EEPD1: variants seen among roughly 807,000 people sequenced by gnomAD.
The protein encoded by EEPD1 is endonuclease/exonuclease/phosphatase family domain-containing protein 1.
EEPD1 carries 17 observed loss-of-function variants against 46.3 expected under a neutral mutation model. That is an observed-to-expected ratio of 0.37 (90% confidence interval 0.25 to 0.55). The LOEUF (loss-of-function observed/expected upper bound fraction) is 0.55. EEPD1 is among the 20% of genes least tolerant of loss of function. EEPD1 has a pLI of 0.83. For missense variants in EEPD1, 673 were observed against 745.6 expected, an observed-to-expected ratio of 0.90 and a Z score of 1.13; for synonymous variants, 313 against 315.6, an observed-to-expected ratio of 0.99 and a Z score of 0.09.
intron 5 of EEPD1, among the ~76,000 whole-genome samples, chr7:36,287,318 A>G (rs1787355672): frequency 6.6e-6 from 1 of 150,418 alleles, no homozygotes; most frequent in African/African-American, 2.5e-5. Context: ...TCCTTCTTAT[A>G]TAGGACTGCT....
At chr7:36,290,697 C>T (rs2115890694) in intron 6 of EEPD1, among the ~76,000 whole-genome samples, 1 of 152,250 alleles carries the variant, frequency 6.6e-6, no homozygotes, top group South Asian at 2.1e-4. Context: ...GTGAACTGAG[C>T]AAGAGTGAAA....
chr7:36,161,017 T>C (rs546477450), intron 2 of EEPD1, among the ~76,000 whole-genome samples: 1 of 152,272 alleles, frequency 6.6e-6, no homozygotes, highest in East Asian at 1.9e-4. Flanking sequence ...GTGTGGGGTC[T>C]TACTTAGGTC....
intron 3 of EEPD1, among the ~76,000 whole-genome samples, chr7:36,250,753 G>C (rs771652897): frequency 6.6e-6 from 1 of 152,090 alleles, no homozygotes; most frequent in African/African-American, 2.4e-5. Flanking sequence ...AGAAAGATGC[G>C]TATATGTACC....
At chr7:36,198,333 AAAAGAAAAGAAAAAAAAAAAAAAAAG>A (rs1263081814) in intron 2 of EEPD1, among the ~76,000 whole-genome samples, 3 of 136,030 alleles carry the variant, frequency 2.2e-5, no homozygotes, top group Non-Finnish European at 4.8e-5. Context: ...AGAAAAAAAA[AAAAGAAAAGAAAAAAAAAAAAAAAAG>A]AAAGATATTT....
intron 2 of EEPD1, among the ~76,000 whole-genome samples, chr7:36,221,110 A>G (rs1215778945): frequency 1.3e-5 from 2 of 152,224 alleles, no homozygotes; most frequent in Admixed American, 6.5e-5. Flanking sequence ...CGTCCAGCCA[A>G]CTACACTGAA....
chr7:36,163,534 G>T (rs1463816478), intron 2 of EEPD1, among the ~76,000 whole-genome samples: 1 of 152,090 alleles, frequency 6.6e-6, no homozygotes, highest in Non-Finnish European at 1.5e-5. Flanking sequence ...GTGGAACTTG[G>T]TTTATAATCC....
intron 3 of EEPD1, among the ~76,000 whole-genome samples, chr7:36,263,342 G>A (rs564606105): frequency 6.6e-6 from 1 of 152,010 alleles, no homozygotes; most frequent in African/African-American, 2.4e-5. Context: ...AGGGAGGGGG[G>A]GGAAAAAGCA....
intron 2 of EEPD1, among the ~76,000 whole-genome samples, chr7:36,156,987 A>AT (rs1784835632): frequency 6.6e-6 from 1 of 151,980 alleles, no homozygotes; most frequent in African/African-American, 2.4e-5. Flanking sequence ...AGGAAAAAAA[A>AT]AAGTTGTGTC....
At chr7:36,194,464 A>C (rs1785539733) in intron 2 of EEPD1, among the ~76,000 whole-genome samples, 4 of 152,118 alleles carry the variant, frequency 2.6e-5, no homozygotes, top group Admixed American at 2.6e-4. Context: ...TGGGGGCAGC[A>C]CAGAAGACTT....
chr7:36,189,593 T>A (rs575292962), intron 2 of EEPD1, among the ~76,000 whole-genome samples: 202 of 152,296 alleles, frequency 1.3e-3, no homozygotes, highest in Non-Finnish European at 2.3e-3. Context: ...GCACCTGCCT[T>A]GGGTACAGAG....
chr7:36,213,798 G>A (rs543198986), intron 2 of EEPD1, among the ~76,000 whole-genome samples: 1 of 152,260 alleles, frequency 6.6e-6, no homozygotes, highest in South Asian at 2.1e-4. Context: ...ATTGATTGGT[G>A]GGCGTGTACC....
intron 2 of EEPD1, among the ~76,000 whole-genome samples, chr7:36,164,741 A>G (rs1007455697): frequency 5.9e-5 from 9 of 152,234 alleles, no homozygotes; most frequent in African/African-American, 1.9e-4. Flanking sequence ...ATATGTTCCC[A>G]GAAGATTATA....
At chr7:36,207,776 T>C (rs923486540) in intron 2 of EEPD1, among the ~76,000 whole-genome samples, 3 of 152,226 alleles carry the variant, frequency 2.0e-5, no homozygotes, top group Non-Finnish European at 4.4e-5. Context: ...GAAGTCTGTT[T>C]ATAAAGTGTT....
chr7:36,234,994 C>T (rs1441424521), intron 2 of EEPD1, among the ~76,000 whole-genome samples: 1 of 147,332 alleles, frequency 6.8e-6, no homozygotes, highest in Non-Finnish European at 1.5e-5. Flanking sequence ...CCCACAGCCT[C>T]CAGCTCAGGT....
intron 5 of EEPD1, among the ~76,000 whole-genome samples, chr7:36,286,163 A>G (rs1787339144): frequency 6.6e-6 from 1 of 152,188 alleles, no homozygotes; most frequent in Admixed American, 6.5e-5. Context: ...TTAAGGGTAT[A>G]ATGAGAAAAT....
chr7:36,246,597 G>T (rs1420710913), intron 3 of EEPD1, among the ~76,000 whole-genome samples: 1 of 152,086 alleles, frequency 6.6e-6, no homozygotes, highest in Non-Finnish European at 1.5e-5. Context: ...TCGATCTGTT[G>T]CCATTAAAAG....
chr7:36,277,838 T>G (rs982220199), intron 3 of EEPD1, among the ~76,000 whole-genome samples: 1 of 118,576 alleles, frequency 8.4e-6, no homozygotes, highest in Non-Finnish European at 1.8e-5. Flanking sequence ...GGTGATCTGC[T>G]CTGTGGGCTG....
intron 2 of EEPD1, among the ~76,000 whole-genome samples, chr7:36,202,823 T>C (rs545104126): frequency 6.6e-6 from 1 of 152,300 alleles, no homozygotes; most frequent in Admixed American, 6.5e-5. Context: ...ATGTAGCTTA[T>C]ACGTGGAGCT....
intron 6 of EEPD1, among the ~76,000 whole-genome samples, chr7:36,293,539 A>C (rs1206419407): frequency 1.3e-5 from 2 of 152,188 alleles, no homozygotes; most frequent in Admixed American, 6.5e-5. Context: ...TGATGCCCCA[A>C]GGGCTTTTTG....
Sources: allele counts gnomAD v4.1 joint callset (sites outside exome capture counted in the v4.1 genomes callset), GRCh38; gene constraint gnomAD v4.1.1; transcripts MANE v1.5; gene names NCBI Gene and HGNC (gene_info 2026-07-23, HGNC 2026-07-21).